The following NALF1 variants were observed in gnomAD, a reference collection of about 807,000 sequenced individuals.
The protein encoded by NALF1 is family with sequence similarity 155 member A.
In NALF1, 3 loss-of-function variants were observed where a neutral mutation model predicts 48.4. The observed-to-expected ratio is 0.06, with a 90% CI of 0.03 to 0.16. NALF1 has a LOEUF of 0.16. Among genes scored for constraint, NALF1 ranks in the 10% least tolerant of loss-of-function variants. The probability of loss-of-function intolerance (pLI) is 1.00; values close to 1 mark genes in which losing one functional copy is unlikely to be tolerated. For missense variants in NALF1, 526 were observed against 571.5 expected, an observed-to-expected ratio of 0.92 and a Z score of 0.81; for synonymous variants, 262 against 245.7, an observed-to-expected ratio of 1.07 and a Z score of -0.62.
chr13:107,653,414 T>C (rs57591592), intron 1 of NALF1, among the ~76,000 whole-genome samples: 41,736 of 151,854 alleles, frequency 0.27, 6,613 homozygotes, highest in East Asian at 0.52. Flanking sequence ...GAGGAATCAT[T>C]TATTTTAGTC....
At chr13:107,660,323 C>T (rs4261393) in intron 1 of NALF1, among the ~76,000 whole-genome samples, 151,424 of 151,424 alleles carry the variant, frequency 1, 75,712 homozygotes, top group Non-Finnish European at 1. Context: ...TAATCCCAGC[C>T]ACTCGGGAGG....
chr13:107,509,318 C>G (rs1226254410), intron 1 of NALF1, among the ~76,000 whole-genome samples: 2 of 152,222 alleles, frequency 1.3e-5, no homozygotes, highest in East Asian at 3.9e-4. Flanking sequence ...TCTCACTATT[C>G]TAAGGCTTTA....
chr13:107,742,873 C>T (rs1197495340), intron 1 of NALF1, among the ~76,000 whole-genome samples: 1 of 152,212 alleles, frequency 6.6e-6, no homozygotes, highest in African/African-American at 2.4e-5. Flanking sequence ...GAATAAATGA[C>T]ACCATGCTAA....
intron 1 of NALF1, among the ~76,000 whole-genome samples, chr13:107,581,816 A>G (rs1250651753): frequency 2.0e-5 from 3 of 152,264 alleles, no homozygotes; most frequent in East Asian, 3.9e-4. Context: ...GACCCTCATC[A>G]ATTCACATAC....
At chr13:107,367,138 G>C (rs1041045124) in intron 1 of NALF1, among the ~76,000 whole-genome samples, 6 of 152,322 alleles carry the variant, frequency 3.9e-5, no homozygotes, top group Admixed American at 2.0e-4. Context: ...CAGGTAAGCT[G>C]TATGTGCTTA....
chr13:107,376,324 G>T (rs1302061343), intron 1 of NALF1, among the ~76,000 whole-genome samples: 1 of 152,148 alleles, frequency 6.6e-6, no homozygotes, highest in African/African-American at 2.4e-5. Context: ...TGAAGCGATA[G>T]ATAGGTGTGT....
chr13:107,311,488 T>C (rs576648611), intron 1 of NALF1, among the ~76,000 whole-genome samples: 1 of 152,064 alleles, frequency 6.6e-6, no homozygotes, highest in East Asian at 1.9e-4. Flanking sequence ...ATGTAAAGGC[T>C]GTTGTCCATT....
chr13:107,231,954 T>C (rs181373407), intron 1 of NALF1, among the ~76,000 whole-genome samples: 8 of 152,364 alleles, frequency 5.3e-5, no homozygotes, highest in South Asian at 2.1e-4. Context: ...TATTTCTTTT[T>C]ATTTTCTAAA....
chr13:107,836,471 T>C (rs1879891755), intron 1 of NALF1, among the ~76,000 whole-genome samples: 1 of 152,180 alleles, frequency 6.6e-6, no homozygotes, highest in South Asian at 2.1e-4. Flanking sequence ...TTGCTAAATA[T>C]TTCAATATCA....
chr13:107,355,549 G>C (rs951105294), intron 1 of NALF1, among the ~76,000 whole-genome samples: 1 of 152,106 alleles, frequency 6.6e-6, no homozygotes, highest in East Asian at 1.9e-4. Flanking sequence ...GACCTGGCGG[G>C]GGGTGAGTGG....
At chr13:107,553,111 C>T (rs529872820) in intron 1 of NALF1, among the ~76,000 whole-genome samples, 1 of 151,858 alleles carries the variant, frequency 6.6e-6, no homozygotes, top group South Asian at 2.1e-4. Context: ...GCAACACAGG[C>T]AAGATAAAAA....
At chr13:107,373,530 G>A (rs4463957) in intron 1 of NALF1, among the ~76,000 whole-genome samples, 76,868 of 151,510 alleles carry the variant, frequency 0.51, 20,021 homozygotes, top group East Asian at 0.68. Flanking sequence ...GCAGATGCAA[G>A]GTGGAGCCCA....
At position 107,556,330 on chromosome 13, in the gene NALF1, TACACACACATATATATATATAG is replaced by T. The variant is rs1877479906; in HGVS notation, c.915+309330_915+309351del. On this transcript the variant is annotated intron_variant, in intron 1 of 2. Coordinates refer to ENST00000375915, the MANE Select transcript of NALF1 (RefSeq NM_001080396.3). ...ACACACACACACACATATATATATA[TACACACACATATATATATATAG>T]AGAGAGAGAGAGAGAGAGTCTTAGA... is the stretch of plus-strand genomic sequence containing the variant. Among the ~76,000 whole-genome samples, 3 of 145,234 alleles carry T rather than the reference TACACACACATATATATATATAG, an allele frequency of 2.1e-5. No individual in the cohort carries two copies. In the Admixed American group the frequency reaches 2.1e-4, roughly 10 times the overall value.
chr13:107,288,828 C>T (rs892881512), intron 1 of NALF1, among the ~76,000 whole-genome samples: 3 of 152,076 alleles, frequency 2.0e-5, no homozygotes, highest in Admixed American at 6.5e-5. Flanking sequence ...CCACCGCGCC[C>T]AGCCCAGAAA....
intron 1 of NALF1, among the ~76,000 whole-genome samples, chr13:107,513,471 C>G (rs9520470): frequency 0.6 from 90,776 of 151,516 alleles, 30,275 homozygotes; most frequent in Middle Eastern, 0.77. Flanking sequence ...GGAAACTAGC[C>G]ATTGTTTAAG....
chr13:107,517,687 G>A (rs1384133579), intron 1 of NALF1, among the ~76,000 whole-genome samples: 2 of 151,776 alleles, frequency 1.3e-5, no homozygotes, highest in Non-Finnish European at 2.9e-5. Context: ...CAGGCGCAGT[G>A]GCTCATGTTG....
chr13:107,679,138 TC>T (rs1031000497), intron 1 of NALF1, among the ~76,000 whole-genome samples: 4 of 152,208 alleles, frequency 2.6e-5, no homozygotes, highest in African/African-American at 9.7e-5. Flanking sequence ...AGCCTCAGTT[TC>T]CTATAGTTTA....
At chr13:107,766,643 T>C (rs1251496858) in intron 1 of NALF1, among the ~76,000 whole-genome samples, 1 of 152,230 alleles carries the variant, frequency 6.6e-6, no homozygotes, top group African/African-American at 2.4e-5. Context: ...AGAGAATTTA[T>C]ATCTGTGTAT....
At chr13:107,714,199 G>A (rs938750012) in intron 1 of NALF1, among the ~76,000 whole-genome samples, 16 of 152,170 alleles carry the variant, frequency 1.1e-4, no homozygotes, top group African/African-American at 3.6e-4. Flanking sequence ...TCTTTTTCAT[G>A]ACAAAGATTC....
Sources: allele counts gnomAD v4.1 joint callset (sites outside exome capture counted in the v4.1 genomes callset), GRCh38; gene constraint gnomAD v4.1.1; transcripts MANE v1.5; gene names NCBI Gene and HGNC (gene_info 2026-07-23, HGNC 2026-07-21).